The following PCDH15 variants were observed in gnomAD, a reference collection of about 807,000 sequenced individuals.
PCDH15 encodes protocadherin related 15.
A neutral mutation model predicts 178.5 loss-of-function variants in PCDH15; 129 were observed. The ratio of observed to expected loss-of-function variants is 0.72; its 90% CI spans 0.63 to 0.84. The LOEUF (loss-of-function observed/expected upper bound fraction) is 0.84, where lower values mean the gene tolerates loss of function less well. PCDH15 is among the 40% of genes least tolerant of loss of function. PCDH15 has a pLI of 0.00. For missense variants in PCDH15, 2,230 were observed against 2,099.9 expected (o/e 1.06, Z -1.21); for synonymous variants, 800 against 732.0 (o/e 1.09, Z -1.50).
At chr10:54,333,481 T>C (rs1564993268) in intron 6 of PCDH15, among the ~76,000 whole-genome samples, 1 of 151,636 alleles carries the variant, frequency 6.6e-6, no homozygotes, top group Non-Finnish European at 1.5e-5. Flanking sequence ...CTTTTTCCTC[T>C]AGTAAAAAGA....
chr10:55,340,456 C>A (rs2131952975), intron 2 of PCDH15, among the ~76,000 whole-genome samples: 1 of 151,978 alleles, frequency 6.6e-6, no homozygotes, highest in East Asian at 1.9e-4. Context: ...TCATCTCATA[C>A]TAGACTACTC....
At chr10:55,594,304 T>A in intron 2 of PCDH15, among the ~76,000 whole-genome samples, 1 of 151,960 alleles carries the variant, frequency 6.6e-6, no homozygotes, top group East Asian at 1.9e-4. Context: ...GTGATAATAA[T>A]TTGTATTACA....
At chr10:54,070,104 TATTTA>T (rs1188608289) in intron 17 of PCDH15, among the ~76,000 whole-genome samples, 1 of 152,256 alleles carries the variant, frequency 6.6e-6, no homozygotes, top group Non-Finnish European at 1.5e-5. Context: ...TCATGTTCAT[TATTTA>T]ATTTAAATGT....
rs914466350 is a variant in PCDH15, at chr10:53,953,989, A to G, written c.3122+5743T>C. 3.9e-5 allele frequency among the ~76,000 whole-genome samples: 6 copies of G among 152,178 alleles called. No homozygotes were observed. In the East Asian group the frequency reaches 1.2e-3, roughly 30 times the overall value. The stretch of plus-strand genomic sequence containing the variant: ...GTATTTTTAGTAGAGACAGGGTTTC[A>G]CCGTGTTAGCCAGGATGGTCTCAAT... On this transcript the variant is annotated intron_variant, in intron 23 of 37. Coordinates refer to ENST00000644397, the MANE Select transcript of PCDH15 (RefSeq NM_001384140.1).
At chr10:53,808,731 C>G (rs756591693) in intron 37 of PCDH15, 1 of 1,612,976 alleles carries the variant, frequency 6.2e-7, no homozygotes, top group Non-Finnish European at 8.5e-7. Context: ...TTGCTCCTGG[C>G]GACTTCTTTT....
rs11004263 is a variant in PCDH15, at chr10:54,373,785, G to A, written c.319-4510C>T. On this transcript the variant is annotated intron_variant, in intron 4 of 37. Transcript: ENST00000644397. ...TTTTAGAACAAGGAATTGCATACCA[G>A]TGTTATTAGAAAATAATTTATACAG... 8.3e-3 allele frequency among the ~76,000 whole-genome samples: 1,268 copies of A among 152,088 alleles called. 18 individuals carry two copies. The highest frequency in any genetic ancestry group is 0.024 in the African/African-American group (1,008 of 41,546).
intron 18 of PCDH15, among the ~76,000 whole-genome samples, chr10:54,027,412 C>A (rs1013177095): frequency 1.5e-4 from 23 of 152,180 alleles, no homozygotes; most frequent in African/African-American, 2.4e-4. Context: ...GCTACCAATG[C>A]CTTTCTTCAC....
Position 54,369,289 on chromosome 10 carries a change from AT to A in PCDH15, c.319-15del, listed in dbSNP as rs760925695. The A allele has an allele frequency of 2.5e-6, 4 of 1,611,448 alleles. No homozygotes were observed. The highest frequency in any genetic ancestry group is 3.4e-6 in the Non-Finnish European group (4 of 1,178,616). On this transcript the variant is annotated splice_polypyrimidine_tract_variant and intron_variant, in intron 4 of 37. Coordinates refer to ENST00000644397, the MANE Select transcript of PCDH15 (RefSeq NM_001384140.1). Reference sequence around the variant, plus strand: ...GTTCATCGGTGGCTGCAATGTAGAAATTGCATCTTTTAAAATACTAATTAAA... The same window carrying A: ...GTTCATCGGTGGCTGCAATGTAGAAATGCATCTTTTAAAATACTAATTAAA...
At chr10:54,064,977 A>G (rs1260449616) in intron 18 of PCDH15, among the ~76,000 whole-genome samples, 1 of 152,154 alleles carries the variant, frequency 6.6e-6, no homozygotes, top group East Asian at 1.9e-4. Flanking sequence ...TCCCTGGAGC[A>G]TTTAGCCCAG....
At chr10:54,817,723 A>G (rs1164680788) in intron 3 of PCDH15, among the ~76,000 whole-genome samples, 4 of 152,094 alleles carry the variant, frequency 2.6e-5, no homozygotes, top group Non-Finnish European at 5.9e-5. Context: ...TCATCTATAC[A>G]ATGTGTTCTC....
At chr10:55,382,268 T>A (rs1837552137) in intron 2 of PCDH15, among the ~76,000 whole-genome samples, 1 of 152,026 alleles carries the variant, frequency 6.6e-6, no homozygotes, top group African/African-American at 2.4e-5. Context: ...TATATCCAAA[T>A]CCCTGCGAGC....
intron 2 of PCDH15, among the ~76,000 whole-genome samples, chr10:54,582,361 C>T (rs953729499): frequency 3.3e-5 from 5 of 151,964 alleles, no homozygotes; most frequent in Non-Finnish European, 7.4e-5. Context: ...TCCATTGGAT[C>T]GCATGATAAT....
At chr10:55,482,174 C>T (rs1486818117) in intron 2 of PCDH15, among the ~76,000 whole-genome samples, 1 of 151,640 alleles carries the variant, frequency 6.6e-6, no homozygotes, top group Admixed American at 6.6e-5. Flanking sequence ...TTTCTATTTG[C>T]TTGGTAGATT....
chr10:54,869,168 G>A (rs920614936), intron 3 of PCDH15: 6 of 152,112 alleles, frequency 3.9e-5, no homozygotes, highest in Non-Finnish European at 8.8e-5. Flanking sequence ...TAATAAGAGG[G>A]AAAATTTGAC....
chr10:54,542,185 C>T (rs2085315770), intron 2 of PCDH15, among the ~76,000 whole-genome samples: 1 of 152,094 alleles, frequency 6.6e-6, no homozygotes, highest in East Asian at 1.9e-4. Flanking sequence ...GTAATATAGG[C>T]TTATATTTCT....
chr10:53,877,708 A>T (rs7091282), intron 26 of PCDH15, among the ~76,000 whole-genome samples: 96,793 of 151,896 alleles, frequency 0.64, 31,555 homozygotes, highest in Middle Eastern at 0.78. Flanking sequence ...AGGAAGGGCA[A>T]CACCATCTAT....
intron 7 of PCDH15, among the ~76,000 whole-genome samples, chr10:54,323,214 C>T (rs1161601433): frequency 6.6e-6 from 1 of 152,016 alleles, no homozygotes; most frequent in Non-Finnish European, 1.5e-5. Context: ...CAAAAAATTA[C>T]ATATACTGGT....
chr10:53,877,561 G>C (rs1361374200), intron 26 of PCDH15, among the ~76,000 whole-genome samples: 1 of 151,906 alleles, frequency 6.6e-6, no homozygotes, highest in African/African-American at 2.4e-5. Flanking sequence ...TGTTATTTTT[G>C]AACTTCCTGA....
chr10:55,199,396 A>G lies in PCDH15; in HGVS notation c.-155-32745T>C, dbSNP rs574735801. ...TATCTGGCAGAAGAAATTTCTAAGC[A>G]GCAAGGCATTCAATATGTGGCCTGG... is the stretch of plus-strand genomic sequence containing the variant. On this transcript the variant is annotated intron_variant, in intron 1 of 5. Coordinates refer to the PCDH15 transcript ENST00000458638. Among the ~76,000 whole-genome samples, 29 of 152,236 alleles carry G rather than the reference A, an allele frequency of 1.9e-4. No individual in the cohort carries two copies. In the South Asian group the frequency reaches 6.0e-3, roughly 32 times the overall value.
Sources: allele counts gnomAD v4.1 joint callset (sites outside exome capture counted in the v4.1 genomes callset), GRCh38; gene constraint gnomAD v4.1.1; transcripts MANE v1.5; gene names NCBI Gene and HGNC (gene_info 2026-07-23, HGNC 2026-07-21).